Variants in HMGB1 observed in about 807,000 individuals in gnomAD.
HMGB1 encodes the protein high mobility group box 1.
For missense variants in HMGB1, 79 were observed against 253.5 expected (o/e 0.31, Z 4.67); for synonymous variants, 81 against 84.0 (o/e 0.96, Z 0.19).
intron 1 of HMGB1, among the ~76,000 whole-genome samples, chr13:30,577,532 G>A (rs763331684): frequency 3.9e-5 from 6 of 152,054 alleles, no homozygotes; most frequent in African/African-American, 1.2e-4. Context: ...CTCTGTTACC[G>A]CAGAGTAGCT....
chr13:30,550,577 T>G (rs1297595218), intron 1 of HMGB1, among the ~76,000 whole-genome samples: 3 of 152,154 alleles, frequency 2.0e-5, no homozygotes, highest in Non-Finnish European at 4.4e-5. Context: ...TTTGCTCAGT[T>G]CACTACCCAC....
intron 1 of HMGB1, among the ~76,000 whole-genome samples, chr13:30,584,294 T>C (rs1313409763): frequency 6.6e-6 from 1 of 152,144 alleles, no homozygotes; most frequent in African/African-American, 2.4e-5. Flanking sequence ...CCTCAGAACA[T>C]GTGCACTTTT....
chr13:30,603,230 T>C (rs1950420678), intron 1 of HMGB1, among the ~76,000 whole-genome samples: 1 of 152,258 alleles, frequency 6.6e-6, no homozygotes, highest in Admixed American at 6.5e-5. Flanking sequence ...CAGTCCCTCA[T>C]TTCTGCTTAT....
upstream of HMGB1, chr13:30,466,044 C>T (rs1886770016): frequency 1.4e-6 from 1 of 695,546 alleles, no homozygotes; most frequent in Non-Finnish European, 1.8e-6. Context: ...TATTGGCTGT[C>T]TCCGGGGACA....
In HMGB1 at chr13:30,593,036, C is replaced by T. The variant is rs117460191; in HGVS notation, c.-15+23635G>A. On this transcript the variant is annotated intron_variant, in intron 1 of 4. Coordinates refer to the HMGB1 transcript ENST00000405805. ...GTCCATATGTACCTAAGGCTTATCTCCCACTTACAAGTGAGAAACTATTCA... is the reference window on the plus strand; with the variant it reads ...GTCCATATGTACCTAAGGCTTATCTTCCACTTACAAGTGAGAAACTATTCA... Among the ~76,000 whole-genome samples, 1,273 of 152,274 alleles carry T rather than the reference C, an allele frequency of 8.4e-3. 10 individuals carry two copies. Among genetic ancestry groups the T allele is most frequent in the Middle Eastern group, 0.017 (5 of 294 alleles).
intron 1 of HMGB1, among the ~76,000 whole-genome samples, chr13:30,477,031 A>G (rs1887114102): frequency 6.6e-6 from 1 of 152,134 alleles, no homozygotes; most frequent in African/African-American, 2.4e-5. Context: ...TCTGAGTCCA[A>G]AGCCTTGTGT....
chr13:30,536,953 T>C (rs915549379), intron 1 of HMGB1, among the ~76,000 whole-genome samples: 2 of 152,160 alleles, frequency 1.3e-5, no homozygotes, highest in Non-Finnish European at 2.9e-5. Flanking sequence ...CTTCCAACCA[T>C]CATTTTGGAA....
intron 1 of HMGB1, among the ~76,000 whole-genome samples, chr13:30,528,596 T>C (rs1346980207): frequency 6.6e-6 from 1 of 152,196 alleles, no homozygotes; most frequent in Non-Finnish European, 1.5e-5. Context: ...GTTAGTTGTG[T>C]ATGCTGTGTG....
chr13:30,464,671 GGC>G, intron 1 of HMGB1: 1 of 980,478 alleles, frequency 1.0e-6, no homozygotes, highest in Non-Finnish European at 1.2e-6. Flanking sequence ...CGCCGGGGCC[GGC>G]GCGCACGGAA....
intron 1 of HMGB1, among the ~76,000 whole-genome samples, chr13:30,587,961 T>C (rs4769852): frequency 0.47 from 70,811 of 152,042 alleles, 18,874 homozygotes; most frequent in African/African-American, 0.73. Context: ...AGGCTCTTCT[T>C]CAAACTATGC....
chr13:30,535,125 G>A (rs562649607), intron 1 of HMGB1, among the ~76,000 whole-genome samples: 62 of 152,256 alleles, frequency 4.1e-4, no homozygotes, highest in Non-Finnish European at 7.2e-4. Flanking sequence ...GATAAGGAGG[G>A]TCCTCTGTAC....
chr13:30,488,288 T>A (rs1887406887), intron 1 of HMGB1, among the ~76,000 whole-genome samples: 1 of 152,190 alleles, frequency 6.6e-6, no homozygotes, highest in Non-Finnish European at 1.5e-5. Flanking sequence ...AAACTATCAC[T>A]AAACAAAACA....
upstream of HMGB1, among the ~76,000 whole-genome samples, chr13:30,469,282 A>G (rs1446542464): frequency 5.3e-5 from 8 of 152,228 alleles, no homozygotes; most frequent in Non-Finnish European, 1.5e-5. Flanking sequence ...CAACTGAATT[A>G]CAGATCGTCA....
At chr13:30,544,727 G>A (rs555611842) in intron 1 of HMGB1, among the ~76,000 whole-genome samples, 1 of 152,254 alleles carries the variant, frequency 6.6e-6, no homozygotes, top group African/African-American at 2.4e-5. Flanking sequence ...CCTGAGCTCT[G>A]TAAGCTGCTC....
intron 1 of HMGB1, among the ~76,000 whole-genome samples, chr13:30,606,388 A>T (rs1288438296): frequency 6.6e-6 from 1 of 152,202 alleles, no homozygotes; most frequent in Non-Finnish European, 1.5e-5. Flanking sequence ...CCCTATATTC[A>T]GAAAAAAACT....
intron 1 of HMGB1, among the ~76,000 whole-genome samples, chr13:30,526,972 C>T (rs914998763): frequency 6.6e-6 from 1 of 152,256 alleles, no homozygotes; most frequent in Non-Finnish European, 1.5e-5. Context: ...TCCACACATC[C>T]TTCTGATGGC....
intron 1 of HMGB1, among the ~76,000 whole-genome samples, chr13:30,491,032 CT>C (rs936351783): frequency 9.8e-4 from 143 of 145,712 alleles, no homozygotes; most frequent in Non-Finnish European, 9.6e-4. Context: ...CACAAAAATA[CT>C]TTTTTTTTTT....
At chr13:30,551,294 C>T (rs751942552) in intron 1 of HMGB1, among the ~76,000 whole-genome samples, 18 of 152,160 alleles carry the variant, frequency 1.2e-4, no homozygotes, top group Non-Finnish European at 2.2e-4. Context: ...TCTTCCTTCT[C>T]TTTGGGGTTT....
At position 30,553,909 on chromosome 13, in the gene HMGB1, G is replaced by A. The variant is rs1335910962; in HGVS notation, c.-15+62762C>T. 21 of 1,396,082 alleles carry A rather than the reference G, an allele frequency of 1.5e-5. 1 individual carries two copies. The Admixed American group carries it at 2.0e-4, about 13-fold the overall frequency. The allele number at this position is 1,396,082 out of a possible 1,614,324, so 86.5% of individuals were successfully genotyped here. A position where few individuals can be genotyped will look rare whatever the true frequency, so the allele number is the denominator to read the frequency against. ...AGCTTAGTTGACATAGAAGAGGCAC[G>A]AAGGAGTTACATCTTAACACCGGGT... is the stretch of plus-strand genomic sequence containing the variant. On this transcript the variant is annotated intron_variant, in intron 1 of 4. Coordinates refer to the HMGB1 transcript ENST00000405805.
Sources: gnomAD v4.1 joint callset for allele counts (sites outside exome capture counted in the v4.1 genomes callset) on GRCh38, gnomAD v4.1.1 for gene constraint, MANE v1.5 for transcripts, NCBI Gene and HGNC (gene_info 2026-07-23, HGNC 2026-07-21) for gene names.